The following AMPD2 variants were observed in gnomAD, a reference collection of about 807,000 sequenced individuals.
AMPD2 encodes the protein adenosine monophosphate deaminase 2, also known as AMP deaminase 2.
A neutral mutation model predicts 91.3 loss-of-function variants in AMPD2; 52 were observed. The observed-to-expected ratio is 0.57, with a 90% CI of 0.46 to 0.72. The LOEUF (loss-of-function observed/expected upper bound fraction) is 0.72. AMPD2 is among the 30% of genes least tolerant of loss of function. AMPD2 has a pLI of 0.00. For missense variants in AMPD2, 822 were observed against 1,122.3 expected (o/e 0.73, Z 3.82); for synonymous variants, 455 against 456.4 (o/e 1.00, Z 0.04).
In AMPD2 at chr1:109,629,808, C is replaced by A; in HGVS notation, c.1875C>A (p.Phe625Leu). 1 of 1,600,628 alleles carries A rather than the reference C, an allele frequency of 6.2e-7. No individual in the cohort carries two copies. The highest frequency in any genetic ancestry group is 8.5e-7 in the Non-Finnish European group (1 of 1,171,204). Reference protein sequence around the residue: ...MLNHLRRQRGFHTFVLRPHCG... With the variant: ...MLNHLRRQRGLHTFVLRPHCG... ...TCATGTCCCCCAGGCAGAGGGGCTT[C>A]CACACGTTTGTGCTGAGGCCACACT... The change falls in exon 16 of 19, where the codon TTC (phenylalanine) becomes TTA (leucine). Residue 625 changes from phenylalanine (F) to leucine (L), a missense_variant. Physicochemically the swap from Phe to Leu is conservative, Grantham distance 22. Around this residue, in one of 5 missense-constraint regions of AMPD2, gnomAD observed 430 missense variants for 606.0 expected, o/e 0.71. Coordinates refer to ENST00000528667, the MANE Select transcript of AMPD2 (RefSeq NM_001368809.2).
chr1:109,624,110 G>A lies in AMPD2; in HGVS notation c.92-1193G>A, dbSNP rs1029002636. 1.8e-5 allele frequency: 18 copies of A among 979,810 alleles called. No homozygotes were observed. The highest frequency in any genetic ancestry group is 5.2e-4 in the Middle Eastern group (1 of 1,936). The allele number at this position is 979,810 out of a possible 1,614,324, so 60.7% of individuals were successfully genotyped here. A position where few individuals can be genotyped will look rare whatever the true frequency, so the allele number is the denominator to read the frequency against. ...TGCAGGTAGGGTTCAGGCAGGGGCCGGGGTGCGCAGGGGACGGGGTCCTGG... is the reference window on the plus strand; with the variant it reads ...TGCAGGTAGGGTTCAGGCAGGGGCCAGGGTGCGCAGGGGACGGGGTCCTGG... On this transcript the variant is annotated intron_variant, in intron 2 of 18. Coordinates refer to ENST00000528667, the MANE Select transcript of AMPD2 (RefSeq NM_001368809.2). This position sits in a 1 kb window ranked among gnomAD's most constrained non-coding sequence, Gnocchi z 5.2.
rs1048375978 is a variant in AMPD2 at position 109,627,834 on chromosome 1, A to G, written c.1011A>G (p.Leu337=). 11 of 1,613,794 alleles carry G rather than the reference A, an allele frequency of 6.8e-6. No homozygotes were observed. The highest frequency in any genetic ancestry group is 1.3e-5 in the African/African-American group (1 of 74,832). ...YLSSKFQMHV[L]LNEMKELAAQ... ...GCTCCAAGTTCCAGATGCATGTGCTACTCAATGAGATGAAGGAGCTGGCCG... is the reference window on the plus strand; with the variant it reads ...GCTCCAAGTTCCAGATGCATGTGCTGCTCAATGAGATGAAGGAGCTGGCCG... The change falls in exon 10 of 19, where the codon CTA becomes CTG. Residue 337 remains leucine, a synonymous_variant. Transcript: ENST00000528667.
Position 109,624,641 on chromosome 1 carries a change from G to A in AMPD2, c.92-662G>A, listed in dbSNP as rs746851375. 4.6e-5 allele frequency among the ~76,000 whole-genome samples: 7 copies of A among 152,168 alleles called. No homozygotes were observed. Among genetic ancestry groups the A allele is most frequent in the Non-Finnish European group, 7.4e-5 (5 of 67,996 alleles). ...CAGCCCTGGGGCCCTGGGGGACAGG[G>A]CGGGCCTCCAGGGAGGAGGTAGGGT... On this transcript the variant is annotated intron_variant, in intron 2 of 18. Coordinates refer to ENST00000528667, the MANE Select transcript of AMPD2 (RefSeq NM_001368809.2). This position sits in a 1 kb window ranked among gnomAD's most constrained non-coding sequence, Gnocchi z 5.2.
Position 109,621,150 on chromosome 1 carries a change from C to T in AMPD2, c.-26C>T. The T allele has an allele frequency of 6.3e-7, 1 of 1,596,294 alleles. No homozygotes were observed. The highest frequency in any genetic ancestry group is 8.5e-7 in the Non-Finnish European group (1 of 1,170,862). Reference sequence around the variant, plus strand: ...CCCAGCCGGTGCCGCTCAGACTCCCCCGCTGTCGCCGCCGTGGTCCCAGCC... The same window carrying T: ...CCCAGCCGGTGCCGCTCAGACTCCCTCGCTGTCGCCGCCGTGGTCCCAGCC... On this transcript the variant is annotated 5_prime_UTR_variant, in exon 2 of 19. Coordinates refer to ENST00000528667, the MANE Select transcript of AMPD2 (RefSeq NM_001368809.2).
rs1361740549 is a variant in AMPD2 at position 109,623,945 on chromosome 1, C to T, written c.92-1358C>T. The stretch of plus-strand genomic sequence containing the variant: ...TCCCTTGAACTCCCCTAGCTCCGTG[C>T]TCACGGCCATCTCAGGGTCTCCCCT... On this transcript the variant is annotated intron_variant, in intron 2 of 18. Transcript: ENST00000528667. 3.1e-6 allele frequency: 3 copies of T among 961,438 alleles called. No homozygotes were observed. In the African/African-American group the frequency reaches 5.3e-5, roughly 17 times the overall value. The allele number at this position is 961,438 out of a possible 1,614,324, so 59.6% of individuals were successfully genotyped here. A position where few individuals can be genotyped will look rare whatever the true frequency, so the allele number is the denominator to read the frequency against.
rs1651037391 is a variant in AMPD2 at position 109,629,732 on chromosome 1, A to G, written c.1863-64A>G. On this transcript the variant is annotated intron_variant, in intron 15 of 18. Coordinates refer to ENST00000528667, the MANE Select transcript of AMPD2 (RefSeq NM_001368809.2). ...GACATATGCGTGCTGGGTGGGGGTC[A>G]GGGGCTCCGGTGAGCCCAGGTGATC... is the stretch of plus-strand genomic sequence containing the variant. 16 of 1,532,426 alleles carry G rather than the reference A, an allele frequency of 1.0e-5. No individual in the cohort carries two copies. In the South Asian group the frequency reaches 2.0e-4, roughly 19 times the overall value. The allele number at this position is 1,532,426 out of a possible 1,614,324, so 94.9% of individuals were successfully genotyped here.
At position 109,629,934 on chromosome 1, in the gene AMPD2, T is replaced by C. The variant is rs1651070392; in HGVS notation, c.1983+18T>C. The C allele has an allele frequency of 1.9e-6, 3 of 1,581,352 alleles. No individual in the cohort carries two copies. Among genetic ancestry groups the C allele is most frequent in the Non-Finnish European group, 8.6e-7 (1 of 1,160,128 alleles). On this transcript the variant is annotated intron_variant, in intron 16 of 18. Coordinates refer to ENST00000528667, the MANE Select transcript of AMPD2 (RefSeq NM_001368809.2). ...TGCGCAAGGTCAGGATCTGCACCCCTAGCCTTCCCTCCCAATTGTTCACCT... is the reference window on the plus strand; with the variant it reads ...TGCGCAAGGTCAGGATCTGCACCCCCAGCCTTCCCTCCCAATTGTTCACCT...
intron 16 of AMPD2, 132 bp downstream of exon 16, chr1:109,630,048 T>G: frequency 3.5e-6 from 5 of 1,435,850 alleles, no homozygotes; most frequent in Non-Finnish European, 4.8e-6. Flanking sequence ...GTAACTACCC[T>G]TCCCCACCCC....
intron 2 of AMPD2, among the ~76,000 whole-genome samples, chr1:109,623,475 G>C (rs1249911098): frequency 2.6e-5 from 4 of 152,178 alleles, no homozygotes; most frequent in Non-Finnish European, 4.4e-5. Flanking sequence ...GGGCAGCGGG[G>C]AAGCCTCAGT....
At position 109,625,201 on chromosome 1, in the gene AMPD2, C is replaced by T. The variant is rs1007502306; in HGVS notation, c.92-102C>T. ...ACTGAGGAGGGACTGCCCTCTTTCC[C>T]GACCCTGGGCTCTCTCGGGAGCTGG... is the stretch of plus-strand genomic sequence containing the variant. On this transcript the variant is annotated intron_variant, in intron 2 of 18. Coordinates refer to ENST00000528667, the MANE Select transcript of AMPD2 (RefSeq NM_001368809.2). This position sits in a 1 kb window ranked among gnomAD's most constrained non-coding sequence, Gnocchi z 4.0. 73 of 1,502,452 alleles carry T rather than the reference C, an allele frequency of 4.9e-5. No individual in the cohort carries two copies. Among genetic ancestry groups the T allele is most frequent in the East Asian group, 3.2e-4 (14 of 43,452 alleles). 93.1% of individuals were successfully genotyped at this position (1,502,452 alleles called of 1,614,324 possible). A position where few individuals can be genotyped will look rare whatever the true frequency, so the allele number is the denominator to read the frequency against.
At chr1:109,621,829 G>A (rs1650300276) in intron 2 of AMPD2, among the ~76,000 whole-genome samples, 1 of 152,230 alleles carries the variant, frequency 6.6e-6, no homozygotes, top group Non-Finnish European at 1.5e-5. Context: ...TATATTGTGA[G>A]CCTCCTTAGG....
At position 109,620,297 on chromosome 1, in the gene AMPD2, G is replaced by A; in HGVS notation, c.-263+19G>A. On this transcript the variant is annotated intron_variant, in intron 1 of 18. Coordinates refer to ENST00000528667, the MANE Select transcript of AMPD2 (RefSeq NM_001368809.2). ...GCCTCAGGTGAGTGTGTGTACGTGTGTTGGAGGGAGGGTCTCTGGGACAGA... is the reference window on the plus strand; with the variant it reads ...GCCTCAGGTGAGTGTGTGTACGTGTATTGGAGGGAGGGTCTCTGGGACAGA... 6.2e-7 allele frequency: 1 copy of A among 1,613,796 alleles called. No homozygotes were observed. The highest frequency in any genetic ancestry group is 8.5e-7 in the Non-Finnish European group (1 of 1,179,782).
chr1:109,625,184 G>A lies in AMPD2; in HGVS notation c.92-119G>A. 1 of 1,397,688 alleles carries A rather than the reference G, an allele frequency of 7.2e-7. No homozygotes were observed. The highest frequency in any genetic ancestry group is 1.3e-5 in the South Asian group (1 of 74,226). 86.6% of individuals were successfully genotyped at this position (1,397,688 alleles called of 1,614,324 possible). A position where few individuals can be genotyped will look rare whatever the true frequency, so the allele number is the denominator to read the frequency against. On this transcript the variant is annotated intron_variant, in intron 2 of 18. Coordinates refer to ENST00000528667, the MANE Select transcript of AMPD2 (RefSeq NM_001368809.2). The surrounding 1 kb of genome is among the most constrained non-coding windows in gnomAD (Gnocchi z 4.0). ...AGGCCTACTCCTCAGCTACTGAGGA[G>A]GGACTGCCCTCTTTCCCGACCCTGG...
Position 109,624,328 on chromosome 1 carries a change from GCTT to G in AMPD2, c.92-972_92-970del, listed in dbSNP as rs908469359. Among the ~76,000 whole-genome samples the G allele has an allele frequency of 2.0e-5, 3 of 152,232 alleles. No individual in the cohort carries two copies. The highest frequency in any genetic ancestry group is 2.9e-5 in the Non-Finnish European group (2 of 68,036). ...GAGAGAGGCAGTTTGGGTGTGGAAA[GCTT>G]CTCACTGAGGAGCTGGGGCTGCTGA... is the stretch of plus-strand genomic sequence containing the variant. On this transcript the variant is annotated intron_variant, in intron 2 of 18. Coordinates refer to ENST00000528667, the MANE Select transcript of AMPD2 (RefSeq NM_001368809.2). This position sits in a 1 kb window ranked among gnomAD's most constrained non-coding sequence, Gnocchi z 5.2.
chr1:109,625,687 A>AGAGC lies in AMPD2; in HGVS notation c.253_256dup (p.Leu86ArgfsTer4), dbSNP rs1650610797. ...GAGCTGTTCACCCGCTCACTGGCTG[A>AGAGC]GAGCGAGCTCCGTAGTGCCCCGTAT... On this transcript the variant is annotated frameshift_variant, in exon 4 of 19. Transcript: ENST00000528667. LOFTEE classifies it high-confidence loss of function. This position sits in a 1 kb window ranked among gnomAD's most constrained non-coding sequence, Gnocchi z 4.0. 1 of 1,614,128 alleles carries AGAGC rather than the reference A, an allele frequency of 6.2e-7. No homozygotes were observed. Among genetic ancestry groups the AGAGC allele is most frequent in the South Asian group, 1.1e-5 (1 of 91,088 alleles).
chr1:109,625,130 A>G lies in AMPD2; in HGVS notation c.92-173A>G, dbSNP rs1033336245. Among the ~76,000 whole-genome samples the G allele has an allele frequency of 1.3e-5, 2 of 152,038 alleles. No individual in the cohort carries two copies. The highest frequency in any genetic ancestry group is 4.8e-5 in the African/African-American group (2 of 41,392). On this transcript the variant is annotated intron_variant, in intron 2 of 18. Coordinates refer to ENST00000528667, the MANE Select transcript of AMPD2 (RefSeq NM_001368809.2). The surrounding 1 kb of genome is among the most constrained non-coding windows in gnomAD (Gnocchi z 4.0). ...GTGAGGGGTCCCTGCGTTAGAGGTGAGGGTGAGCCCTTTGGGAGCCACACA... is the reference window on the plus strand; with the variant it reads ...GTGAGGGGTCCCTGCGTTAGAGGTGGGGGTGAGCCCTTTGGGAGCCACACA...
intron 6 of AMPD2, 67 bp from the exon 7 acceptor site, chr1:109,626,659 T>C: frequency 6.4e-7 from 1 of 1,551,520 alleles, no homozygotes; most frequent in East Asian, 2.3e-5. Flanking sequence ...GGTTCTAAGA[T>C]AAGGCCTTAG....
chr1:109,627,657 C>T, intron 9 of AMPD2, 117 bp from the exon 10 acceptor site: 2 of 1,529,944 alleles, frequency 1.3e-6, no homozygotes, highest in South Asian at 1.2e-5. Context: ...AGTCTACTTC[C>T]CTCTTGGCAG....
In AMPD2 at chr1:109,628,967, G is replaced by T; in HGVS notation, c.1572-142G>T. 2.1e-6 allele frequency: 3 copies of T among 1,437,456 alleles called. No individual in the cohort carries two copies. Among genetic ancestry groups the T allele is most frequent in the Non-Finnish European group, 2.8e-6 (3 of 1,074,672 alleles). 89.0% of individuals were successfully genotyped at this position (1,437,456 alleles called of 1,614,324 possible). A position where few individuals can be genotyped will look rare whatever the true frequency, so the allele number is the denominator to read the frequency against. ...TCCCATCCATGGTCTGTCCAGCCTG[G>T]CCCACCTGGGTATCCTTGCTTTCCC... On this transcript the variant is annotated intron_variant, in intron 13 of 18. Transcript: ENST00000528667. The surrounding 1 kb of genome is among the most constrained non-coding windows in gnomAD (Gnocchi z 7.1).
Sources: gnomAD v4.1 joint callset for allele counts (sites outside exome capture counted in the v4.1 genomes callset) on GRCh38, gnomAD v4.1.1 for gene constraint, gnomAD v4.1.1 regional missense constraint, Gnocchi (gnomAD v3.1) non-coding constraint, MANE v1.5 for transcripts, NCBI Gene and HGNC (gene_info 2026-07-23, HGNC 2026-07-21) for gene names.